Variants in HOXB3 observed in about 807,000 individuals in gnomAD.
The protein encoded by HOXB3 is homeobox B3.
Under a neutral mutation model 29.2 loss-of-function variants are expected in HOXB3, and 17 were observed. The observed-to-expected ratio is 0.58, with a 90% confidence interval of 0.40 to 0.87. The LOEUF (loss-of-function observed/expected upper bound fraction) is 0.87. HOXB3 is among the 40% of genes least tolerant of loss of function. The pLI, the probability that HOXB3 is intolerant of heterozygous loss-of-function variation, is 0.00. For synonymous variants in HOXB3, 317 were observed against 285.9 expected (o/e 1.11, Z -1.10); for missense variants, 637 against 616.3 (o/e 1.03, Z -0.35).
In HOXB3 at chr17:48,550,397, G is replaced by GGA; in HGVS notation, c.1231_1232dup (p.Ser412ProfsTer18). The GGA allele has an allele frequency of 6.2e-7, 1 of 1,614,140 alleles. No homozygotes were observed. The highest frequency in any genetic ancestry group is 8.5e-7 in the Non-Finnish European group (1 of 1,180,032). On this transcript the variant is annotated frameshift_variant, in exon 5 of 5. Transcript: ENST00000498678. LOFTEE classifies it high-confidence loss of function. ...CCTGAGGAGGAGGCGCGTGGTGAGA[G>GGA]GAGAGGTCTGTGTAGGTGGGGTGGG...
chr17:48,571,979 C>A (rs1213300245), intron 2 of HOXB3, among the ~76,000 whole-genome samples: 2 of 152,204 alleles, frequency 1.3e-5, no homozygotes, highest in African/African-American at 4.8e-5. Flanking sequence ...ATCTTCCCAG[C>A]CAGCGTCTGT....
chr17:48,555,367 AGGGAGG>A (rs1567949291), intron 3 of HOXB3, 158 bp downstream of exon 3: 84 of 447,704 alleles, frequency 1.9e-4, no homozygotes, highest in South Asian at 8.6e-4. Context: ...AGAGAGAGGG[AGGGAGG>A]GAGGGAGGGA....
intron 3 of HOXB3, chr17:48,555,255 GC>G (rs2068917705): frequency 3.8e-6 from 2 of 530,076 alleles, no homozygotes; most frequent in Non-Finnish European, 6.7e-6. Context: ...AGAAAATTCA[GC>G]CCTGGATCTG....
At chr17:48,579,392 A>C (rs1314278156) in intron 1 of HOXB3, 1 of 152,396 alleles carries the variant, frequency 6.6e-6, no homozygotes. Context: ...TGACCCACAC[A>C]GACAATAACA....
intron 1 of HOXB3, chr17:48,574,250 T>C (rs2069685099): frequency 5.5e-6 from 1 of 181,284 alleles, no homozygotes. Flanking sequence ...AGAACTATTT[T>C]CCCCCTCAAC....
Position 48,550,976 on chromosome 17 carries a change from A to G in HOXB3, c.654T>C (p.Arg218=). 6.2e-7 allele frequency: 1 copy of G among 1,613,748 alleles called. No individual in the cohort carries two copies. The highest frequency in any genetic ancestry group is 2.2e-5 in the East Asian group (1 of 44,844). ...HFNRYLCRPR[R]VEMANLLNLS... ...GGTTCAGCAGGTTGGCCATCTCTACACGGCGAGGCCGGCACAGGTAGCGGT... is the reference window on the plus strand; with the variant it reads ...GGTTCAGCAGGTTGGCCATCTCTACGCGGCGAGGCCGGCACAGGTAGCGGT... The change falls in exon 5 of 5, where the codon CGT becomes CGC. Residue 218 remains arginine (R), a synonymous_variant. Transcript: ENST00000498678.
In HOXB3 at chr17:48,564,532, C is replaced by A. The variant is rs1278705012; in HGVS notation, c.-246-8914G>T. 3.3e-5 allele frequency among the ~76,000 whole-genome samples: 5 copies of A among 152,254 alleles called. No homozygotes were observed. In the East Asian group the frequency reaches 9.6e-4, roughly 29 times the overall value. On this transcript the variant is annotated intron_variant, in intron 2 of 4. Transcript: ENST00000498678. ...ACGCCAGTTTCCTGAGAAGCTCCCACTCCGTCCGGGCCGCGCAGGGCTGCG... is the reference window on the plus strand; with the variant it reads ...ACGCCAGTTTCCTGAGAAGCTCCCAATCCGTCCGGGCCGCGCAGGGCTGCG...
chr17:48,582,410 G>A (rs570977713), intron 1 of HOXB3: 1 of 152,302 alleles, frequency 6.6e-6, no homozygotes, highest in Admixed American at 6.5e-5. Context: ...GGCGGACACA[G>A]CCACGGGCTC....
intron 3 of HOXB3, 115 bp downstream of exon 3, chr17:48,555,416 A>C (rs2068945556): frequency 1.5e-6 from 1 of 688,466 alleles, no homozygotes; most frequent in Non-Finnish European, 2.7e-6. Flanking sequence ...GCGTGGAAGG[A>C]AGCTTAAAGC....
intron 2 of HOXB3, among the ~76,000 whole-genome samples, chr17:48,569,949 C>T (rs2069529030): frequency 6.6e-6 from 1 of 152,152 alleles, no homozygotes; most frequent in Admixed American, 6.5e-5. Context: ...AAGACTGGGA[C>T]TAAGGTTTCT....
chr17:48,561,010 G>A (rs2069173718), intron 2 of HOXB3, among the ~76,000 whole-genome samples: 1 of 152,146 alleles, frequency 6.6e-6, no homozygotes, highest in South Asian at 2.1e-4. Flanking sequence ...GCGAAACCGT[G>A]TCTCCACTAA....
chr17:48,586,480 A>G (rs1489136221), intron 1 of HOXB3, among the ~76,000 whole-genome samples: 4 of 152,166 alleles, frequency 2.6e-5, no homozygotes, highest in African/African-American at 9.7e-5. Flanking sequence ...CGCGTAATGT[A>G]TGCTGCAGCG....
At chr17:48,587,199 T>C (rs1199084355) in intron 1 of HOXB3, among the ~76,000 whole-genome samples, 1 of 152,114 alleles carries the variant, frequency 6.6e-6, no homozygotes, top group African/African-American at 2.4e-5. Context: ...AAATATCCAT[T>C]CTGCTTAAGG....
chr17:48,551,364 G>C (rs909463507), intron 4 of HOXB3, 183 bp from the exon 5 acceptor site: 2 of 581,234 alleles, frequency 3.4e-6, no homozygotes, highest in Non-Finnish European at 4.9e-6. Flanking sequence ...TCGCATTAGC[G>C]GACACTCTAT....
At chr17:48,588,860 C>T (rs1294235613) in intron 1 of HOXB3, among the ~76,000 whole-genome samples, 2 of 152,194 alleles carry the variant, frequency 1.3e-5, no homozygotes, top group African/African-American at 4.8e-5. Flanking sequence ...ACTCCAATGT[C>T]CCTTAATGAG....
At position 48,550,731 on chromosome 17, in the gene HOXB3, T is replaced by C; in HGVS notation, c.899A>G (p.Asn300Ser). ...SPPAFGKAHQNAYALPSNYQP... is the reference protein window; with the variant it reads ...SPPAFGKAHQSAYALPSNYQP... Reference sequence around the variant, plus strand: ...GTAGTTGGAGGGCAGCGCGTAGGCATTCTGGTGGGCTTTACCGAAGGCGGG... The same window carrying C: ...GTAGTTGGAGGGCAGCGCGTAGGCACTCTGGTGGGCTTTACCGAAGGCGGG... The change falls in exon 5 of 5, where the codon AAT becomes AGT. Residue 300 changes from asparagine (N) to serine (S), a missense_variant. Physicochemically the swap from Asn to Ser is conservative, Grantham distance 46 (BLOSUM62 1). Transcript: ENST00000498678. The C allele has an allele frequency of 6.3e-7, 1 of 1,576,586 alleles. No individual in the cohort carries two copies. The highest frequency in any genetic ancestry group is 8.6e-7 in the Non-Finnish European group (1 of 1,159,064).
intron 2 of HOXB3, among the ~76,000 whole-genome samples, chr17:48,571,644 G>T (rs1597843569): frequency 6.6e-6 from 1 of 152,168 alleles, no homozygotes; most frequent in East Asian, 1.9e-4. Flanking sequence ...CGGCGACTAG[G>T]TCTTTGTCAC....
intron 2 of HOXB3, among the ~76,000 whole-genome samples, chr17:48,562,482 G>A (rs1017320629): frequency 7.2e-5 from 11 of 152,124 alleles, no homozygotes; most frequent in African/African-American, 1.9e-4. Flanking sequence ...TACCCCCAAA[G>A]CTGTGCTGGG....
At chr17:48,578,741 C>T (rs2069857230) in intron 1 of HOXB3, 1 of 207,874 alleles carries the variant, frequency 4.8e-6, no homozygotes. Flanking sequence ...CGGTGTAGCC[C>T]TCCTGTTCTG....
Sources: allele counts gnomAD v4.1 joint callset (sites outside exome capture counted in the v4.1 genomes callset), GRCh38; gene constraint gnomAD v4.1.1; transcripts MANE v1.5; gene names NCBI Gene and HGNC (gene_info 2026-07-23, HGNC 2026-07-21).